BIRC6: variants seen among roughly 807,000 people sequenced by gnomAD.
BIRC6 encodes the protein dual E2 ubiquitin-conjugating enzyme/E3 ubiquitin-protein ligase BIRC6.
In BIRC6, 98 loss-of-function variants were observed where a neutral mutation model predicts 503.3. The ratio of observed to expected loss-of-function variants is 0.19; its 90% CI spans 0.17 to 0.23. The LOEUF (loss-of-function observed/expected upper bound fraction) is 0.23. Ranked by LOEUF, BIRC6 falls within the 10% of genes least tolerant of loss-of-function variation. The pLI is 1.00. For synonymous variants in BIRC6, 2,240 were observed against 2,078.7 expected (o/e 1.08, Z -2.11); for missense variants, 5,360 against 5,806.0 (o/e 0.92, Z 2.50).
At chr2:32,564,403 G>A (rs1363682555) in intron 65 of BIRC6, 1 of 152,130 alleles carries the variant, frequency 6.6e-6, no homozygotes, top group Admixed American at 6.5e-5. Flanking sequence ...CATTTTGGCA[G>A]TTGCAAAAAT....
chr2:32,538,392 A>G (rs1448037380), intron 61 of BIRC6, among the ~76,000 whole-genome samples: 1 of 152,124 alleles, frequency 6.6e-6, no homozygotes, highest in African/African-American at 2.4e-5. Flanking sequence ...AGTCCTGCTC[A>G]GAGATAAAAA....
At chr2:32,466,591 T>C (rs559832045) in intron 26 of BIRC6, among the ~76,000 whole-genome samples, 17 of 152,314 alleles carry the variant, frequency 1.1e-4, no homozygotes, top group African/African-American at 3.8e-4. Context: ...ATAATACTAT[T>C]TGGTATTTAA....
chr2:32,468,366 T>C, intron 28 of BIRC6, 71 bp from the exon 29 acceptor site: 1 of 1,286,706 alleles, frequency 7.8e-7, no homozygotes, highest in Non-Finnish European at 1.1e-6. Flanking sequence ...GAGATTTAAT[T>C]CTTAGTATTT....
At position 32,575,126 on chromosome 2, in the gene BIRC6, AT is replaced by A. The variant is rs752668878; in HGVS notation, c.13145-26del. 353 of 1,607,140 alleles carry A rather than the reference AT, an allele frequency of 2.2e-4. 1 individual carries two copies. Among genetic ancestry groups the A allele is most frequent in the Non-Finnish European group, 2.9e-4 (346 of 1,173,952 alleles). On this transcript the variant is annotated intron_variant, in intron 65 of 73. Coordinates refer to ENST00000421745, the MANE Select transcript of BIRC6 (RefSeq NM_016252.4). ...CTACTTTTATATTGTACATTTGCTC[AT>A]TTTGTGCTTTTTCTTCTTCTCCTTA...
At chr2:32,394,192 A>G (rs2039585745) in intron 5 of BIRC6, among the ~76,000 whole-genome samples, 1 of 149,014 alleles carries the variant, frequency 6.7e-6, no homozygotes, top group South Asian at 2.1e-4. Context: ...ATTGTTCATT[A>G]TATTCTGTCT....
intron 6 of BIRC6, among the ~76,000 whole-genome samples, chr2:32,399,050 CT>C (rs1396220560): frequency 1.3e-5 from 2 of 151,896 alleles, no homozygotes; most frequent in Non-Finnish European, 2.9e-5. Flanking sequence ...AACAATGGTT[CT>C]TTAAGAAACA....
intron 23 of BIRC6, among the ~76,000 whole-genome samples, chr2:32,462,095 A>T (rs2048059470): frequency 6.6e-6 from 1 of 152,168 alleles, no homozygotes; most frequent in South Asian, 2.1e-4. Flanking sequence ...CCTGGGCCAT[A>T]AAGTTGCCCA....
chr2:32,393,781 A>G (rs1481735034), intron 5 of BIRC6, among the ~76,000 whole-genome samples: 1 of 152,178 alleles, frequency 6.6e-6, no homozygotes, highest in Non-Finnish European at 1.5e-5. Context: ...TTAACCTTCT[A>G]AAGTATTGTG....
At chr2:32,540,487 T>G (rs1316863215) in intron 61 of BIRC6, among the ~76,000 whole-genome samples, 1 of 152,044 alleles carries the variant, frequency 6.6e-6, no homozygotes, top group East Asian at 1.9e-4. Context: ...TATCCTAGTA[T>G]ATCAGAAATA....
At chr2:32,448,456 C>A (rs1036764153) in intron 21 of BIRC6, among the ~76,000 whole-genome samples, 6 of 151,514 alleles carry the variant, frequency 4.0e-5, no homozygotes, top group Non-Finnish European at 5.9e-5. Flanking sequence ...GGAGACCAGC[C>A]CGGCCAACAC....
At chr2:32,536,825 A>G (rs1480288661) in intron 61 of BIRC6, among the ~76,000 whole-genome samples, 1 of 151,870 alleles carries the variant, frequency 6.6e-6, no homozygotes, top group Non-Finnish European at 1.5e-5. Flanking sequence ...GATGGGGATG[A>G]CATTGAATCT....
At chr2:32,363,243 G>T (rs1176171341) in intron 1 of BIRC6, among the ~76,000 whole-genome samples, 1 of 152,124 alleles carries the variant, frequency 6.6e-6, no homozygotes, top group Non-Finnish European at 1.5e-5. Context: ...GAGGTGGGAG[G>T]ATTGCTTGAA....
chr2:32,368,797 G>A (rs1262630696), intron 1 of BIRC6, among the ~76,000 whole-genome samples: 1 of 152,010 alleles, frequency 6.6e-6, no homozygotes, highest in Non-Finnish European at 1.5e-5. Context: ...GATTACAGGT[G>A]TGTACCACCA....
At chr2:32,501,304 G>A (rs539054351) in intron 46 of BIRC6, among the ~76,000 whole-genome samples, 2 of 152,158 alleles carry the variant, frequency 1.3e-5, no homozygotes, top group East Asian at 3.9e-4. Context: ...TTCTATTCAT[G>A]TCCTCTCTTC....
At chr2:32,398,019 G>A (rs1194788735) in intron 6 of BIRC6, among the ~76,000 whole-genome samples, 1 of 152,020 alleles carries the variant, frequency 6.6e-6, no homozygotes, top group Non-Finnish European at 1.5e-5. Context: ...GGAGGGAAGA[G>A]GATTGATGGA....
At chr2:32,361,515 TAAC>T (rs1447628863) in intron 1 of BIRC6, among the ~76,000 whole-genome samples, 1 of 152,210 alleles carries the variant, frequency 6.6e-6, no homozygotes, top group African/African-American at 2.4e-5. Context: ...ATCTTAGCAC[TAAC>T]AATCATCATC....
chr2:32,407,000 C>T (rs1007048769), intron 9 of BIRC6, among the ~76,000 whole-genome samples: 4 of 152,032 alleles, frequency 2.6e-5, no homozygotes, highest in East Asian at 1.9e-4. Context: ...TAATATACTT[C>T]GTATTTTAAT....
At chr2:32,364,607 T>C (rs576189829) in intron 1 of BIRC6, among the ~76,000 whole-genome samples, 2 of 152,006 alleles carry the variant, frequency 1.3e-5, no homozygotes, top group African/African-American at 4.8e-5. Context: ...TTTTCCTATA[T>C]AGATAGTGAC....
chr2:32,405,417 C>T (rs2149806225), intron 8 of BIRC6, among the ~76,000 whole-genome samples: 1 of 152,260 alleles, frequency 6.6e-6, no homozygotes, highest in African/African-American at 2.4e-5. Flanking sequence ...AAGTGAATTT[C>T]CCCCAGCCGC....
Sources: allele counts gnomAD v4.1 joint callset (sites outside exome capture counted in the v4.1 genomes callset), GRCh38; gene constraint gnomAD v4.1.1; transcripts MANE v1.5; gene names NCBI Gene and HGNC (gene_info 2026-07-23, HGNC 2026-07-21).